PPFIBP2: variants seen among roughly 807,000 people sequenced by gnomAD.
The protein encoded by PPFIBP2 is liprin-beta-2.
Under a neutral mutation model 118.3 loss-of-function variants are expected in PPFIBP2, and 118 were observed. That is an observed-to-expected ratio of 1.00 (90% CI 0.86 to 1.16). The LOEUF (loss-of-function observed/expected upper bound fraction) is 1.16. Among genes scored for constraint, PPFIBP2 ranks in the 50% most tolerant of loss-of-function variants. The probability of loss-of-function intolerance (pLI) is 0.00; values close to 1 mark genes in which losing one functional copy is unlikely to be tolerated. For missense variants in PPFIBP2, 1,195 were observed against 1,073.1 expected, an observed-to-expected ratio of 1.11 and a Z score of -1.59; for synonymous variants, 414 against 397.4, an observed-to-expected ratio of 1.04 and a Z score of -0.50.
chr11:7,537,460 T>C (rs903622259), intron 1 of PPFIBP2, among the ~76,000 whole-genome samples: 2 of 152,234 alleles, frequency 1.3e-5, no homozygotes, highest in East Asian at 1.9e-4. Flanking sequence ...ATCATCTTGA[T>C]CTATTGTGAA....
At chr11:7,665,561 A>C in the PPFIBP2 span, 3 of 1,589,802 alleles carry the variant, frequency 1.9e-6, no homozygotes, top group East Asian at 4.5e-5. Context: ...AATGAAGGAG[A>C]TGCAGGAGCA....
intron 17 of PPFIBP2, 123 bp downstream of exon 17, chr11:7,642,549 C>G: frequency 9.0e-7 from 1 of 1,105,806 alleles, no homozygotes; most frequent in Non-Finnish European, 1.3e-6. Context: ...ATTCTCTTCC[C>G]CAGTCAAGCA....
At chr11:7,608,766 T>A (rs373897244) in intron 5 of PPFIBP2, among the ~76,000 whole-genome samples, 1 of 152,276 alleles carries the variant, frequency 6.6e-6, no homozygotes, top group Non-Finnish European at 1.5e-5. Context: ...TAATATTTAT[T>A]GCCAACTCAT....
At position 7,593,211 on chromosome 11, in the gene PPFIBP2, C is replaced by G; in HGVS notation, c.359C>G (p.Ser120Cys). 1.2e-6 allele frequency: 2 copies of G among 1,613,880 alleles called. No individual in the cohort carries two copies. Among genetic ancestry groups the G allele is most frequent in the Admixed American group, 3.3e-5 (2 of 60,008 alleles). ...GCACGTCTAGAAGGGGATAAGGAGTCCCTCATATTGCAGGTGGGTACTTTT... is the reference window on the plus strand; with the variant it reads ...GCACGTCTAGAAGGGGATAAGGAGTGCCTCATATTGCAGGTGGGTACTTTT... The part of the protein sequence containing the change: ...RLARLEGDKE[S>C]LILQVSVLTD... Residue 120 changes from serine (S) to cysteine (C), a missense_variant, in exon 4 of 24, where the codon TCC becomes TGC. Ser to Cys is a moderately radical substitution (Grantham distance 112). Transcript: ENST00000299492.
intron 12 of PPFIBP2, among the ~76,000 whole-genome samples, chr11:7,633,847 T>C (rs1851097977): frequency 6.6e-6 from 1 of 152,230 alleles, no homozygotes; most frequent in Admixed American, 6.5e-5. Context: ...AAATGATGAC[T>C]TACTCGTATA....
At chr11:7,596,272 T>C (rs148844001) in intron 4 of PPFIBP2, among the ~76,000 whole-genome samples, 27 of 152,270 alleles carry the variant, frequency 1.8e-4, no homozygotes, top group Non-Finnish European at 4.0e-4. Flanking sequence ...TCCTGCCCTT[T>C]TGAAAGTAGA....
chr11:7,526,060 T>A (rs888880726), intron 1 of PPFIBP2, among the ~76,000 whole-genome samples: 9 of 152,344 alleles, frequency 5.9e-5, no homozygotes, highest in African/African-American at 1.9e-4. Flanking sequence ...TTTAAAGAAC[T>A]CAGGCTTGTC....
chr11:7,562,929 TTATATATATATATA>T lies in PPFIBP2; in HGVS notation c.65-2589_65-2576del, dbSNP rs60848890. On this transcript the variant is annotated intron_variant, in intron 2 of 23. Transcript: ENST00000299492. Reference sequence around the variant, plus strand: ...TTTCAAAGAAATAGAAATTAAAGTTTTATATATATATATATATATATATATATATATATATATAT... The same window carrying T: ...TTTCAAAGAAATAGAAATTAAAGTTTTATATATATATATATATATATATAT... Among the ~76,000 whole-genome samples the T allele has an allele frequency of 3.0e-3, 263 of 86,534 alleles. 5 individuals are homozygous for T. The highest frequency in any genetic ancestry group is 9.6e-3 in the East Asian group (23 of 2,404). The allele number at this position is 86,534 out of a possible 152,430, so 56.8% of individuals were successfully genotyped here. A position where few individuals can be genotyped will look rare whatever the true frequency, so the allele number is the denominator to read the frequency against.
rs774061298 is a variant in PPFIBP2, at chr11:7,565,699, G to T, written c.211G>T (p.Ala71Ser). Reference protein sequence around the residue: ...LEMLELPQERAALLSQIPGPT... With the variant: ...LEMLELPQERSALLSQIPGPT... ...GATGCTGGAGCTTCCTCAGGAGAGA[G>T]CAGCCCTCCTGAGCCAGATCCCTGG... Residue 71 changes from alanine to serine, a missense_variant, in exon 3 of 24, where the codon GCA becomes TCA. Physicochemically the swap from Ala to Ser is moderately conservative, Grantham distance 99. Transcript: ENST00000299492. 1 of 1,614,166 alleles carries T rather than the reference G, an allele frequency of 6.2e-7. No individual in the cohort carries two copies. The highest frequency in any genetic ancestry group is 8.5e-7 in the Non-Finnish European group (1 of 1,180,018).
chr11:7,540,432 C>T (rs945766322), intron 1 of PPFIBP2, among the ~76,000 whole-genome samples: 2 of 152,048 alleles, frequency 1.3e-5, no homozygotes, highest in African/African-American at 4.8e-5. Context: ...AAGGCTGACT[C>T]CCAGGTTTTT....
chr11:7,585,799 G>A (rs190198548), intron 3 of PPFIBP2, among the ~76,000 whole-genome samples: 2 of 152,190 alleles, frequency 1.3e-5, no homozygotes, highest in African/African-American at 4.8e-5. Flanking sequence ...TGAGGAGGCC[G>A]CTGGGGGTTA....
intron 6 of PPFIBP2, among the ~76,000 whole-genome samples, chr11:7,619,200 T>C (rs547833514): frequency 6.6e-6 from 1 of 152,324 alleles, no homozygotes; most frequent in African/African-American, 2.4e-5. Flanking sequence ...AATAAATATT[T>C]AATTGCAAAT....
intron 1 of PPFIBP2, among the ~76,000 whole-genome samples, chr11:7,520,517 T>C (rs1412752667): frequency 1.3e-5 from 2 of 152,092 alleles, no homozygotes; most frequent in East Asian, 3.9e-4. Context: ...TTTTTTTTTT[T>C]TTTTTCCTGA....
chr11:7,631,594 A>G (rs544803428), intron 11 of PPFIBP2, among the ~76,000 whole-genome samples: 5 of 152,148 alleles, frequency 3.3e-5, no homozygotes, highest in Non-Finnish European at 7.3e-5. Context: ...CTTAAGCTAG[A>G]TACAAATAAA....
downstream of PPFIBP2, among the ~76,000 whole-genome samples, chr11:7,661,042 T>G (rs1308337200): frequency 6.6e-6 from 1 of 152,078 alleles, no homozygotes; most frequent in East Asian, 1.9e-4. Flanking sequence ...CTCTCTTTTT[T>G]TCTTTATTAG....
the PPFIBP2 span, among the ~76,000 whole-genome samples, chr11:7,664,233 G>C: frequency 6.6e-6 from 1 of 152,314 alleles, no homozygotes; most frequent in African/African-American, 2.4e-5. Context: ...CCATGGAAGA[G>C]ATGACACTTG....
the PPFIBP2 span, chr11:7,665,638 G>A: frequency 7.4e-7 from 1 of 1,359,306 alleles, no homozygotes; most frequent in South Asian, 1.4e-5. Flanking sequence ...AGCCAGGGAG[G>A]AGGTGACAAG....
At chr11:7,598,784 T>C (rs1316525941) in intron 5 of PPFIBP2, among the ~76,000 whole-genome samples, 2 of 152,208 alleles carry the variant, frequency 1.3e-5, no homozygotes, top group African/African-American at 4.8e-5. Context: ...AGATTGTTTC[T>C]TGACAGCATA....
intron 6 of PPFIBP2, among the ~76,000 whole-genome samples, chr11:7,619,086 G>T (rs533383806): frequency 1.3e-4 from 20 of 152,300 alleles, no homozygotes; most frequent in African/African-American, 4.6e-4. Flanking sequence ...TTGACAAATA[G>T]TATACACCTA....
Sources: allele counts gnomAD v4.1 joint callset (sites outside exome capture counted in the v4.1 genomes callset), GRCh38; gene constraint gnomAD v4.1.1; transcripts MANE v1.5; gene names NCBI Gene and HGNC (gene_info 2026-07-23, HGNC 2026-07-21).